NEURL1: variants seen among roughly 807,000 people sequenced by gnomAD.
NEURL1 encodes E3 ubiquitin-protein ligase NEURL1.
In NEURL1, 26 loss-of-function variants were observed where a neutral mutation model predicts 41.2. That is an observed-to-expected ratio of 0.63 (90% CI 0.46 to 0.87). NEURL1 has a LOEUF of 0.87. NEURL1 is among the 40% of genes least tolerant of loss of function. NEURL1 has a pLI of 0.00. For synonymous variants in NEURL1, 400 were observed against 402.3 expected (o/e 0.99, Z 0.07); for missense variants, 761 against 871.1 (o/e 0.87, Z 1.59).
intron 4 of NEURL1, among the ~76,000 whole-genome samples, chr10:103,585,967 G>A (rs1457457664): frequency 1.3e-5 from 2 of 152,044 alleles, no homozygotes; most frequent in Non-Finnish European, 2.9e-5. Context: ...AGGTTGGAAT[G>A]TCAGTAGTCA....
At chr10:103,541,795 T>G (rs995505793) in intron 1 of NEURL1, among the ~76,000 whole-genome samples, 4 of 152,200 alleles carry the variant, frequency 2.6e-5, no homozygotes, top group Non-Finnish European at 4.4e-5. Context: ...AGTAAGGAGC[T>G]GTACTATGCA....
intron 1 of NEURL1, among the ~76,000 whole-genome samples, chr10:103,516,937 C>T (rs1413636292): frequency 1.4e-5 from 2 of 139,218 alleles, no homozygotes; most frequent in African/African-American, 5.2e-5. Flanking sequence ...GGAATACTTA[C>T]ACTTCCTGAT....
chr10:103,499,817 AGATATTGCCACAGCTGC>A (rs879483638), intron 1 of NEURL1, among the ~76,000 whole-genome samples: 270 of 152,228 alleles, frequency 1.8e-3, no homozygotes, highest in Middle Eastern at 3.4e-3. Flanking sequence ...TCCTCATCCC[AGATATTGCCACAGCTGC>A]CATCCTAATT....
chr10:103,589,522 A>G lies in NEURL1; in HGVS notation c.1348A>G (p.Ile450Val), dbSNP rs533992789. 4.1e-4 allele frequency: 654 copies of G among 1,610,204 alleles called. 7 individuals are homozygous for G. The South Asian group carries it at 6.7e-3, about 17-fold the overall frequency. Residue 450 changes from isoleucine to valine, a missense_variant, in exon 5 of 6, where the codon ATC (isoleucine) becomes GTC (valine). Coordinates refer to ENST00000369780, the MANE Select transcript of NEURL1 (RefSeq NM_004210.5). The part of the protein sequence containing the change: ...ITQIRILGST[I>V]LAERGIPSLP... ...TCCCTCCCCTTTCACAGGCTCCACT[A>G]TCCTGGCCGAGCGGGGTATCCCATC...
intron 1 of NEURL1, among the ~76,000 whole-genome samples, chr10:103,515,999 A>G (rs1484940031): frequency 2.6e-5 from 4 of 152,100 alleles, no homozygotes; most frequent in African/African-American, 7.2e-5. Flanking sequence ...AGGCCAAGGC[A>G]GGTGGATCAC....
At chr10:103,585,265 G>C in intron 4 of NEURL1, 40 bp downstream of exon 4, 1 of 1,438,858 alleles carries the variant, frequency 6.9e-7, no homozygotes, top group Non-Finnish European at 9.2e-7. Flanking sequence ...TGCCTTTCCT[G>C]GAGGCGGGGA....
intron 1 of NEURL1, among the ~76,000 whole-genome samples, chr10:103,501,835 T>C (rs1592175771): frequency 1.3e-5 from 2 of 152,088 alleles, no homozygotes; most frequent in African/African-American, 4.8e-5. Flanking sequence ...AGTTTTGCCA[T>C]GTTGGCCAGG....
chr10:103,554,014 C>T (rs1306561697), intron 1 of NEURL1, among the ~76,000 whole-genome samples: 1 of 152,248 alleles, frequency 6.6e-6, no homozygotes, highest in Non-Finnish European at 1.5e-5. Flanking sequence ...GCTCCTTAGC[C>T]TCTCAGAACC....
chr10:103,571,217 C>T (rs1025178999), intron 2 of NEURL1, 104 bp downstream of exon 2: 15 of 1,183,340 alleles, frequency 1.3e-5, no homozygotes, highest in Non-Finnish European at 1.8e-5. Context: ...CTGCTGCCAC[C>T]CCCAGCACCA....
chr10:103,584,970 C>G lies in NEURL1; in HGVS notation c.1084C>G (p.Pro362Ala). ...ALSFGVTTCD[P>A]GTLRPADLPF... is the part of the protein sequence containing the mutation. ...GTCGTTCGGCGTCACCACGTGCGAC[C>G]CCGGCACGCTGCGGCCGGCCGACCT... is the stretch of plus-strand genomic sequence containing the variant. The change falls in exon 4 of 6, where the codon CCC becomes GCC. Residue 362 changes from proline to alanine, a missense_variant. Transcript: ENST00000369780. The G allele has an allele frequency of 6.6e-7, 1 of 1,526,402 alleles. No homozygotes were observed. Among genetic ancestry groups the G allele is most frequent in the Non-Finnish European group, 8.7e-7 (1 of 1,145,916 alleles). The allele number at this position is 1,526,402 out of a possible 1,614,324, so 94.6% of individuals were successfully genotyped here.
intron 1 of NEURL1, among the ~76,000 whole-genome samples, chr10:103,531,046 C>T (rs972028148): frequency 6.6e-6 from 1 of 151,742 alleles, no homozygotes; most frequent in East Asian, 1.9e-4. Flanking sequence ...ATGGTGACAC[C>T]CTGTCTCTAC....
At chr10:103,528,258 G>A (rs1451063624) in intron 1 of NEURL1, among the ~76,000 whole-genome samples, 1 of 152,190 alleles carries the variant, frequency 6.6e-6, no homozygotes, top group Non-Finnish European at 1.5e-5. Flanking sequence ...CAAAGGCTGA[G>A]GCAGGAGAAT....
intron 1 of NEURL1, among the ~76,000 whole-genome samples, chr10:103,543,602 A>G (rs1222436943): frequency 6.6e-6 from 1 of 152,228 alleles, no homozygotes; most frequent in Non-Finnish European, 1.5e-5. Context: ...AGATAAAAAG[A>G]TACCTTTCTA....
At chr10:103,584,327 C>G (rs1363512984) in intron 3 of NEURL1, among the ~76,000 whole-genome samples, 2 of 152,220 alleles carry the variant, frequency 1.3e-5, no homozygotes, top group Non-Finnish European at 2.9e-5. Context: ...GTTTCAGTTT[C>G]GGTGCTTCCC....
At chr10:103,563,472 C>T (rs75489691) in intron 1 of NEURL1, among the ~76,000 whole-genome samples, 181 of 152,114 alleles carry the variant, frequency 1.2e-3, no homozygotes, top group African/African-American at 4.0e-3. Context: ...GAAAGTGAGA[C>T]GAGACTGTCT....
In NEURL1 at chr10:103,589,644, G is replaced by A; in HGVS notation, c.1470G>A (p.Leu490=). 1.2e-6 allele frequency: 2 copies of A among 1,610,850 alleles called. No individual in the cohort carries two copies. The highest frequency in any genetic ancestry group is 1.7e-6 in the Non-Finnish European group (2 of 1,178,290). The part of the protein sequence containing the change: ...PLLSTCSSGP[L]GSSAGGTAPN... ...TCAGCACGTGCAGCTCTGGCCCTCT[G>A]GGTAGCTCTGCTGGTGGTAAGTAGG... The change falls in exon 5 of 6, where the codon CTG becomes CTA. Residue 490 remains leucine, a synonymous_variant. Transcript: ENST00000369780.
At chr10:103,573,344 C>T (rs1353013690) in intron 3 of NEURL1, among the ~76,000 whole-genome samples, 1 of 152,138 alleles carries the variant, frequency 6.6e-6, no homozygotes, top group Non-Finnish European at 1.5e-5. Flanking sequence ...TGTCCCTGAG[C>T]TACAGAGACC....
At chr10:103,507,153 G>A (rs749143976) in intron 1 of NEURL1, among the ~76,000 whole-genome samples, 1 of 152,222 alleles carries the variant, frequency 6.6e-6, no homozygotes, top group Non-Finnish European at 1.5e-5. Context: ...GCAGTAACAA[G>A]ATCCCCAGGC....
chr10:103,504,005 C>G (rs1411863748), intron 1 of NEURL1, among the ~76,000 whole-genome samples: 3 of 126,474 alleles, frequency 2.4e-5, no homozygotes, highest in Non-Finnish European at 5.2e-5. Context: ...ATTTATTTAT[C>G]TTTTTGGAGA....
Sources: gnomAD v4.1 joint callset for allele counts (sites outside exome capture counted in the v4.1 genomes callset) on GRCh38, gnomAD v4.1.1 for gene constraint, MANE v1.5 for transcripts, NCBI Gene and HGNC (gene_info 2026-07-23, HGNC 2026-07-21) for gene names.